Variants in ZNF280C observed in about 807,000 individuals in gnomAD.
ZNF280C encodes zinc finger protein 280C.
In ZNF280C, 14 loss-of-function variants were observed where a neutral mutation model predicts 53.6. That is an observed-to-expected ratio of 0.26 (90% CI 0.17 to 0.41). The LOEUF (loss-of-function observed/expected upper bound fraction) is 0.41, where lower values mean the gene tolerates loss of function less well. ZNF280C is among the 10% of genes least tolerant of loss of function. The pLI, the probability that ZNF280C is intolerant of heterozygous loss-of-function variation, is 1.00. For synonymous variants in ZNF280C, 203 were observed against 181.1 expected (o/e 1.12, Z -0.97); for missense variants, 416 against 547.1 (o/e 0.76, Z 2.39).
chrX:130,216,751 A>T (rs1359597368), intron 13 of ZNF280C, among the ~76,000 whole-genome samples: 1 of 111,691 alleles, frequency 9.0e-6, no homozygotes, highest in Non-Finnish European at 1.9e-5. Flanking sequence ...GTACTCCCTG[A>T]ACTTTGGGAG....
At position 130,203,743 on chromosome X, in the gene ZNF280C, G is replaced by C. The variant is rs749018568; in HGVS notation, c.*1234C>G. 3 of 112,211 alleles carry C rather than the reference G, an allele frequency of 2.7e-5. No homozygotes were observed. The highest frequency in any genetic ancestry group is 9.5e-5 in the Admixed American group (1 of 10,556). 9.2% of individuals were successfully genotyped at this position (112,211 alleles called of 1,213,427 possible). The stretch of plus-strand genomic sequence containing the variant: ...TGGATAAAACTTTAAATGAAAACAT[G>C]AATAACTGACTTTGGGAACTGTAAT... On this transcript the variant is annotated 3_prime_UTR_variant, in exon 19 of 19. Transcript: ENST00000370978.
intron 15 of ZNF280C, among the ~76,000 whole-genome samples, chrX:130,214,719 A>G (rs2032080839): frequency 2.7e-5 from 3 of 112,085 alleles, no homozygotes; most frequent in Non-Finnish European, 5.6e-5. Flanking sequence ...CTGCTATTAC[A>G]TAGTTTTATA....
At chrX:130,252,090 G>A (rs981234556) in intron 2 of ZNF280C, among the ~76,000 whole-genome samples, 8 of 112,148 alleles carry the variant, frequency 7.1e-5, no homozygotes, top group Admixed American at 6.6e-4. Context: ...CTACAGCCTG[G>A]GTGGCAGAAT....
At chrX:130,261,321 A>G (rs1036875523) in intron 1 of ZNF280C, among the ~76,000 whole-genome samples, 3 of 112,430 alleles carry the variant, frequency 2.7e-5, no homozygotes, top group African/African-American at 9.7e-5. Context: ...TATATTCTAC[A>G]TACAGAATAA....
intron 6 of ZNF280C, among the ~76,000 whole-genome samples, chrX:130,238,148 T>C (rs1286407760): frequency 9.0e-6 from 1 of 111,355 alleles, no homozygotes; most frequent in African/African-American, 3.3e-5. Context: ...TCCATGATCA[T>C]CTTAGACAGG....
chrX:130,249,889 C>T (rs1445606223), intron 2 of ZNF280C, among the ~76,000 whole-genome samples: 1 of 111,733 alleles, frequency 8.9e-6, no homozygotes, highest in Non-Finnish European at 1.9e-5. Context: ...ACACTGAAAC[C>T]TAATCCAAGG....
Position 130,229,322 on chromosome X carries a change from G to GT in ZNF280C, c.990-189dup, listed in dbSNP as rs201943781. On this transcript the variant is annotated intron_variant, in intron 9 of 18. Transcript: ENST00000370978. The stretch of plus-strand genomic sequence containing the variant: ...TACTTTCATTAAGTGGCTCAGTAAG[G>GT]TTTTTTTATCTTTGTTTCTAAAATA... Among the ~76,000 whole-genome samples the GT allele has an allele frequency of 8.5e-3, 951 of 111,989 alleles. 12 individuals carry two copies. The highest frequency in any genetic ancestry group is 0.029 in the African/African-American group (894 of 30,892).
At chrX:130,267,653 T>C (rs1342686393) in intron 1 of ZNF280C, among the ~76,000 whole-genome samples, 1 of 112,173 alleles carries the variant, frequency 8.9e-6, no homozygotes, top group Non-Finnish European at 1.9e-5. Context: ...ACAGCCCTAA[T>C]TTTACAAGCA....
intron 13 of ZNF280C, among the ~76,000 whole-genome samples, chrX:130,217,492 T>C (rs1032936939): frequency 8.9e-6 from 1 of 112,141 alleles, no homozygotes; most frequent in African/African-American, 3.2e-5. Context: ...TTGAGGGTGA[T>C]AAAAATGTTT....
In ZNF280C at chrX:130,243,612, A is replaced by T. The variant is rs752009678; in HGVS notation, c.332T>A (p.Val111Glu). 1.2e-5 allele frequency: 14 copies of T among 1,209,064 alleles called. No individual in the cohort carries two copies. The highest frequency in any genetic ancestry group is 8.9e-6 in the Non-Finnish European group (8 of 894,013). The change falls in exon 5 of 19, where the codon GTA becomes GAA. Residue 111 changes from valine (V) to glutamate (E), a missense_variant. Physicochemically the swap from Val to Glu is moderately radical, Grantham distance 121. Coordinates refer to ENST00000370978, the MANE Select transcript of ZNF280C (RefSeq NM_017666.5). ...AACAGAGCTTTGTGAAGATTTAGATACAAGATGAAATCTAGGCGAGGCAGC... is the reference window on the plus strand; with the variant it reads ...AACAGAGCTTTGTGAAGATTTAGATTCAAGATGAAATCTAGGCGAGGCAGC... ...PVAASPRFHL[V>E]SKSSQSSVTV...
rs760387682 is a variant in ZNF280C at position 130,252,652 on chromosome X, G to A, written c.32-5647C>T. Among the ~76,000 whole-genome samples the A allele has an allele frequency of 3.6e-5, 4 of 110,364 alleles. No homozygotes were observed. The East Asian group carries it at 1.1e-3, about 31-fold the overall frequency. ...GGAGAATGGCTTGAACCCAGGAGGC[G>A]GAGGTTGCAGTGAGCCAAGATCGTG... On this transcript the variant is annotated intron_variant, in intron 2 of 18. Coordinates refer to ENST00000370978, the MANE Select transcript of ZNF280C (RefSeq NM_017666.5).
intron 1 of ZNF280C, among the ~76,000 whole-genome samples, chrX:130,261,289 T>C (rs764858427): frequency 8.9e-6 from 1 of 112,225 alleles, no homozygotes; most frequent in South Asian, 3.7e-4. Context: ...GTATCCTGAG[T>C]TCTCGTGCAC....
intron 12 of ZNF280C, among the ~76,000 whole-genome samples, chrX:130,225,665 T>TTA (rs1556306323): frequency 2.9e-4 from 24 of 83,777 alleles, no homozygotes; most frequent in African/African-American, 9.6e-4. Flanking sequence ...CCTACCAGGA[T>TTA]AAAAAAAAAA....
intron 16 of ZNF280C, among the ~76,000 whole-genome samples, chrX:130,205,779 C>A (rs144699894): frequency 9.3e-6 from 1 of 107,554 alleles, no homozygotes; most frequent in East Asian, 2.9e-4. Context: ...CTCTCAGCTA[C>A]TTGGGAGGCT....
Position 130,215,277 on chromosome X carries a change from G to A in ZNF280C, c.1895C>T (p.Ala632Val), listed in dbSNP as rs777740083. The A allele has an allele frequency of 1.2e-4, 144 of 1,199,563 alleles. No individual in the cohort carries two copies. Among genetic ancestry groups the A allele is most frequent in the Non-Finnish European group, 1.4e-4 (129 of 889,746 alleles). Reference sequence around the variant, plus strand: ...GTGGATGTATATAGAAAAGTGGCTTGCAAAATCTTTTATTTTGGAATGACA... The same window carrying A: ...GTGGATGTATATAGAAAAGTGGCTTACAAAATCTTTTATTTTGGAATGACA... ...IECHSKIKDF[A>V]SHFSIYIHCS... The change falls in exon 15 of 19, where the codon GCA becomes GTA. Residue 632 changes from alanine (A) to valine (V), a missense_variant. Ala to Val is a moderately conservative substitution (Grantham distance 64). This residue lies in a region of ZNF280C where 151 missense variants were observed against 176.9 expected (regional missense o/e 0.85). Coordinates refer to ENST00000370978, the MANE Select transcript of ZNF280C (RefSeq NM_017666.5).
chrX:130,226,663 TTATAGATAGA>T, intron 12 of ZNF280C, 86 bp downstream of exon 12: 1 of 906,068 alleles, frequency 1.1e-6, no homozygotes, highest in Non-Finnish European at 1.5e-6. Context: ...ATGTTCTACG[TTATAGATAGA>T]TATAGATGTA....
At chrX:130,221,214 G>A (rs754656985) in intron 12 of ZNF280C, among the ~76,000 whole-genome samples, 1 of 111,717 alleles carries the variant, frequency 9.0e-6, no homozygotes, top group Non-Finnish European at 1.9e-5. Flanking sequence ...GAAGTGTGGT[G>A]TACTGGATCA....
chrX:130,250,891 T>C (rs961077156), intron 2 of ZNF280C, among the ~76,000 whole-genome samples: 1 of 110,296 alleles, frequency 9.1e-6, no homozygotes, highest in Non-Finnish European at 1.9e-5. Flanking sequence ...GGCCAGGAGT[T>C]CGAGACCGGC....
chrX:130,252,487 C>T (rs775757209), intron 2 of ZNF280C, among the ~76,000 whole-genome samples: 110 of 111,171 alleles, frequency 9.9e-4, no homozygotes, highest in Non-Finnish European at 1.0e-3. Flanking sequence ...TCTGGGAGGC[C>T]GAGGTGGGCG....
Sources: allele counts gnomAD v4.1 joint callset (sites outside exome capture counted in the v4.1 genomes callset), GRCh38; gene constraint gnomAD v4.1.1; regional missense constraint gnomAD v4.1.1; transcripts MANE v1.5; gene names NCBI Gene and HGNC (gene_info 2026-07-23, HGNC 2026-07-21).